KHDRBS2: variants seen among roughly 807,000 people sequenced by gnomAD.
KHDRBS2 encodes KH RNA binding domain containing, signal transduction associated 2.
KHDRBS2 carries 26 observed loss-of-function variants against 44.3 expected under a neutral mutation model. The ratio of observed to expected loss-of-function variants is 0.59; its 90% CI spans 0.43 to 0.81. The LOEUF is 0.81. Ranked by LOEUF, KHDRBS2 falls within the 40% of genes least tolerant of loss-of-function variation. The pLI is 0.00. For missense variants in KHDRBS2, 476 were observed against 433.1 expected, an observed-to-expected ratio of 1.10 and a Z score of -0.88; for synonymous variants, 194 against 151.1, an observed-to-expected ratio of 1.28 and a Z score of -2.08.
intron 2 of KHDRBS2, among the ~76,000 whole-genome samples, chr6:62,057,365 T>C (rs1164559857): frequency 6.6e-6 from 1 of 151,916 alleles, no homozygotes; most frequent in Non-Finnish European, 1.5e-5. Flanking sequence ...AAAAAAAAAG[T>C]AATCACTAAG....
intron 6 of KHDRBS2, among the ~76,000 whole-genome samples, chr6:61,822,362 T>C (rs1261938879): frequency 6.6e-6 from 1 of 152,004 alleles, no homozygotes; most frequent in African/African-American, 2.4e-5. Flanking sequence ...ATCCAGTTAA[T>C]CACTGAGTCC....
chr6:61,816,121 A>G (rs541309626), intron 6 of KHDRBS2, among the ~76,000 whole-genome samples: 129 of 152,262 alleles, frequency 8.5e-4, no homozygotes, highest in African/African-American at 3.1e-3. Flanking sequence ...GAGTTAAATA[A>G]TTACACATAG....
At chr6:61,737,703 A>G (rs1321849928) in intron 6 of KHDRBS2, among the ~76,000 whole-genome samples, 1 of 152,084 alleles carries the variant, frequency 6.6e-6, no homozygotes, top group African/African-American at 2.4e-5. Context: ...CCGCAGAGCC[A>G]TAAAAGGCAT....
the KHDRBS2 span, among the ~76,000 whole-genome samples, chr6:61,548,718 C>T: frequency 7.9e-5 from 12 of 151,986 alleles, no homozygotes; most frequent in Middle Eastern, 3.4e-3. Context: ...AGAAAACAGA[C>T]GGACTCTAAT....
chr6:62,274,707 T>C (rs561274314), intron 1 of KHDRBS2, among the ~76,000 whole-genome samples: 3 of 152,270 alleles, frequency 2.0e-5, no homozygotes, highest in African/African-American at 4.8e-5. Context: ...TTCATCTCCA[T>C]AGGCTTGTTT....
intron 6 of KHDRBS2, among the ~76,000 whole-genome samples, chr6:61,835,672 A>G (rs1792533348): frequency 6.6e-6 from 1 of 151,756 alleles, no homozygotes; most frequent in Non-Finnish European, 1.5e-5. Context: ...ATTCAAAAAT[A>G]TAAATATACT....
At chr6:62,183,727 ATT>A in intron 1 of KHDRBS2, among the ~76,000 whole-genome samples, 1 of 151,752 alleles carries the variant, frequency 6.6e-6, no homozygotes, top group African/African-American at 2.4e-5. Flanking sequence ...TGAAGAAAAT[ATT>A]TTTTGTTAAT....
downstream of KHDRBS2, among the ~76,000 whole-genome samples, chr6:61,676,748 A>C (rs1765967710): frequency 6.6e-6 from 1 of 151,828 alleles, no homozygotes; most frequent in African/African-American, 2.4e-5. Flanking sequence ...CCCTTTAGTC[A>C]GAGGTCCTCT....
chr6:62,066,044 CA>C (rs1482864956), intron 2 of KHDRBS2, among the ~76,000 whole-genome samples: 25 of 151,500 alleles, frequency 1.7e-4, no homozygotes, highest in African/African-American at 5.8e-4. Context: ...TAAATGTATT[CA>C]AAGACACGTC....
intron 2 of KHDRBS2, among the ~76,000 whole-genome samples, chr6:62,059,977 C>T (rs1223607302): frequency 6.6e-6 from 1 of 151,720 alleles, no homozygotes; most frequent in Admixed American, 6.6e-5. Flanking sequence ...GTCTAGAATT[C>T]TACAGGAATG....
At chr6:61,879,450 C>G (rs1463134334) in intron 6 of KHDRBS2, among the ~76,000 whole-genome samples, 1 of 151,882 alleles carries the variant, frequency 6.6e-6, no homozygotes, top group East Asian at 1.9e-4. Flanking sequence ...ACCTGTCTGG[C>G]TCTGTTTTCA....
chr6:61,555,771 G>A, the KHDRBS2 span, among the ~76,000 whole-genome samples: 4 of 152,036 alleles, frequency 2.6e-5, no homozygotes, highest in African/African-American at 9.7e-5. Context: ...ACTTCTGGTA[G>A]ATTGTTTTTT....
chr6:62,025,141 C>T (rs766364536), intron 3 of KHDRBS2, among the ~76,000 whole-genome samples: 1 of 151,666 alleles, frequency 6.6e-6, no homozygotes, highest in Non-Finnish European at 1.5e-5. Flanking sequence ...AATTAGTATA[C>T]TTAATGAAAC....
the KHDRBS2 span, among the ~76,000 whole-genome samples, chr6:61,650,816 C>T: frequency 3.3e-5 from 5 of 152,042 alleles, no homozygotes; most frequent in African/African-American, 1.2e-4. Flanking sequence ...CATTAGGTGT[C>T]TAGAAGATGT....
intron 3 of KHDRBS2, among the ~76,000 whole-genome samples, chr6:62,020,861 C>T (rs993622623): frequency 6.6e-6 from 1 of 151,898 alleles, no homozygotes; most frequent in South Asian, 2.1e-4. Context: ...GAACTTGATC[C>T]GGCTATCCCA....
At chr6:61,773,034 C>A (rs1325875890) in intron 6 of KHDRBS2, among the ~76,000 whole-genome samples, 1 of 152,182 alleles carries the variant, frequency 6.6e-6, no homozygotes, top group Non-Finnish European at 1.5e-5. Context: ...TTCATCCAGT[C>A]TATCATTGTT....
At chr6:61,977,084 G>C (rs535037030) in intron 4 of KHDRBS2, among the ~76,000 whole-genome samples, 1 of 152,158 alleles carries the variant, frequency 6.6e-6, no homozygotes, top group African/African-American at 2.4e-5. Context: ...TTAAATTCTT[G>C]AAATTCTCTG....
intron 6 of KHDRBS2, among the ~76,000 whole-genome samples, chr6:61,813,662 C>A (rs1788466607): frequency 6.6e-6 from 1 of 152,110 alleles, no homozygotes; most frequent in African/African-American, 2.4e-5. Context: ...TACAGTCTTG[C>A]ATAGTGTAGT....
chr6:61,753,076 T>A (rs76758966), intron 6 of KHDRBS2, among the ~76,000 whole-genome samples: 2 of 152,112 alleles, frequency 1.3e-5, no homozygotes, highest in African/African-American at 4.8e-5. Flanking sequence ...TAGAATTACA[T>A]TGGACATAAT....
Sources: allele counts gnomAD v4.1 joint callset (sites outside exome capture counted in the v4.1 genomes callset), GRCh38; gene constraint gnomAD v4.1.1; transcripts MANE v1.5; gene names NCBI Gene and HGNC (gene_info 2026-07-23, HGNC 2026-07-21).